Variants in CROCC2 observed in about 807,000 individuals in gnomAD.
CROCC2 encodes the protein ciliary rootlet coiled-coil protein 2.
CROCC2 carries 163 observed loss-of-function variants against 177.6 expected under a neutral mutation model. The observed-to-expected ratio is 0.92, with a 90% CI of 0.81 to 1.05. The LOEUF (loss-of-function observed/expected upper bound fraction) is 1.05, where lower values mean the gene tolerates loss of function less well. CROCC2 is among the 50% of genes least tolerant of loss of function. The probability of loss-of-function intolerance (pLI) is 0.00; values close to 1 mark genes in which losing one functional copy is unlikely to be tolerated. For synonymous variants in CROCC2, 904 were observed against 787.3 expected, an observed-to-expected ratio of 1.15 and a Z score of -2.48; for missense variants, 1,929 against 1,797.8, an observed-to-expected ratio of 1.07 and a Z score of -1.32.
intron 12 of CROCC2, among the ~76,000 whole-genome samples, 165 bp downstream of exon 12, chr2:240,934,640 G>A (rs898345455): frequency 6.6e-6 from 1 of 152,142 alleles, no homozygotes; most frequent in Non-Finnish European, 1.5e-5. Flanking sequence ...CAACCAGTAG[G>A]CACCAGCCTG....
At position 240,917,996 on chromosome 2, in the gene CROCC2, A is replaced by G. The variant is rs2059331325; in HGVS notation, c.79-730A>G. Among the ~76,000 whole-genome samples the G allele has an allele frequency of 6.6e-6, 1 of 152,158 alleles. No homozygotes were observed. Among genetic ancestry groups the G allele is most frequent in the Admixed American group, 6.5e-5 (1 of 15,288 alleles). On this transcript the variant is annotated intron_variant, in intron 1 of 31. Coordinates refer to ENST00000690015, the MANE Select transcript of CROCC2 (RefSeq NM_001351305.2). The surrounding 1 kb of genome is among the most constrained non-coding windows in gnomAD (Gnocchi z 4.9). ...AAAACCAGGCTGGGGTACCCAGGAC[A>G]CCCAGGCACTCCTGGGGCAGAAGGG...
intron 28 of CROCC2, chr2:240,986,174 TCACATGGG>T (rs2059839318): frequency 3.0e-6 from 1 of 335,492 alleles, no homozygotes. Context: ...GGGTGGTGCA[TCACATGGG>T]CACATGGGCA....
chr2:240,992,985 T>C, intron 31 of CROCC2, 81 bp from the exon 32 acceptor site: 1 of 695,820 alleles, frequency 1.4e-6, no homozygotes, highest in Non-Finnish European at 2.7e-6. Flanking sequence ...TCAGCATCGG[T>C]CCCTCCAGCC....
chr2:240,954,110 G>A (rs1010699442), intron 18 of CROCC2, among the ~76,000 whole-genome samples: 11 of 152,160 alleles, frequency 7.2e-5, no homozygotes, highest in Non-Finnish European at 1.3e-4. Context: ...AGGGAGGAAG[G>A]GGAGCACTGA....
intron 28 of CROCC2, chr2:240,985,865 C>T (rs1160597475): frequency 2.3e-6 from 1 of 437,052 alleles, no homozygotes; most frequent in Non-Finnish European, 4.7e-6. Context: ...CACTGCCCCC[C>T]ACAGCAGGGT....
chr2:240,939,130 C>G (rs1363040572), intron 14 of CROCC2, among the ~76,000 whole-genome samples: 1 of 152,106 alleles, frequency 6.6e-6, no homozygotes, highest in Non-Finnish European at 1.5e-5. Context: ...ATGATGTTAT[C>G]TGTAGGCTTT....
intron 20 of CROCC2, among the ~76,000 whole-genome samples, chr2:240,961,790 C>T (rs368618122): frequency 5.8e-5 from 8 of 138,216 alleles, no homozygotes; most frequent in Admixed American, 3.1e-4. Context: ...ATCACACACA[C>T]GCACTCACAC....
chr2:240,933,365 C>T lies in CROCC2; in HGVS notation c.1463+23C>T, dbSNP rs529865327. On this transcript the variant is annotated intron_variant, in intron 10 of 31. Coordinates refer to ENST00000690015, the MANE Select transcript of CROCC2 (RefSeq NM_001351305.2). ...GAGGTAATGGGGTGAAGGGGTTGCA[C>T]GGCCTTGCACAGGGTGTATGGGATC... The T allele has an allele frequency of 1.7e-5, 25 of 1,481,426 alleles. 1 individual carries two copies. In the South Asian group the frequency reaches 1.7e-4, roughly 10 times the overall value. The allele number at this position is 1,481,426 out of a possible 1,614,324, so 91.8% of individuals were successfully genotyped here.
At chr2:240,939,908 C>T (rs1195685530) in intron 14 of CROCC2, among the ~76,000 whole-genome samples, 1 of 152,142 alleles carries the variant, frequency 6.6e-6, no homozygotes, top group Non-Finnish European at 1.5e-5. Context: ...GGAGGACATA[C>T]TCTGTATTAT....
Position 240,922,575 on chromosome 2 carries a change from C to A in CROCC2, c.418C>A (p.Arg140=), listed in dbSNP as rs575765869. The A allele has an allele frequency of 1.4e-6, 1 of 695,408 alleles. No individual in the cohort carries two copies. The highest frequency in any genetic ancestry group is 2.7e-6 in the Non-Finnish European group (1 of 371,912). 43.1% of individuals were successfully genotyped at this position (695,408 alleles called of 1,614,324 possible). A position where few individuals can be genotyped will look rare whatever the true frequency, so the allele number is the denominator to read the frequency against. ...ARLETTEAQL[R]RSELEHSVDL... is the part of the protein sequence containing the mutation. ...GCTGGAGACCACCGAGGCTCAGCTG[C>A]GGAGGTCAGAGCTGGAGCACAGCGT... is the stretch of plus-strand genomic sequence containing the variant. The change falls in exon 4 of 32, where the codon CGG becomes AGG. Residue 140 remains arginine (R), a synonymous_variant. Transcript: ENST00000690015.
intron 1 of CROCC2, among the ~76,000 whole-genome samples, chr2:240,914,360 G>A (rs562371934): frequency 1.3e-5 from 2 of 152,354 alleles, no homozygotes; most frequent in South Asian, 2.1e-4. Context: ...ATGTGAAAAC[G>A]TTTGCAAGTG....
chr2:240,983,507 A>G, intron 28 of CROCC2: 1 of 1,243,288 alleles, frequency 8.0e-7, no homozygotes, highest in Non-Finnish European at 1.0e-6. Context: ...GCAGGAGCAG[A>G]CGGCGGCGCT....
At chr2:240,957,220 A>G (rs2059596751) in intron 19 of CROCC2, 1 of 152,464 alleles carries the variant, frequency 6.6e-6, no homozygotes, top group Non-Finnish European at 1.5e-5. Context: ...AGCTGGGCCC[A>G]CACCTGCCTC....
intron 27 of CROCC2, chr2:240,981,840 G>A (rs2106489945): frequency 6.6e-6 from 1 of 152,096 alleles, no homozygotes. Context: ...AAGGGCTCGG[G>A]GCTCATCAAG....
chr2:240,930,616 G>A (rs1331570199), intron 6 of CROCC2, among the ~76,000 whole-genome samples: 1 of 152,138 alleles, frequency 6.6e-6, no homozygotes, highest in African/African-American at 2.4e-5. Context: ...CCACACTGGA[G>A]GTCAGTCCTG....
chr2:240,946,991 T>C (rs74000177), intron 15 of CROCC2, among the ~76,000 whole-genome samples: 1 of 152,188 alleles, frequency 6.6e-6, no homozygotes, highest in Non-Finnish European at 1.5e-5. Context: ...GAACAGGATG[T>C]GTGTAGGCTG....
In CROCC2 at chr2:240,959,763, G is replaced by A. The variant is rs1050846723; in HGVS notation, c.3087+319G>A. On this transcript the variant is annotated intron_variant, in intron 20 of 31. Coordinates refer to ENST00000690015, the MANE Select transcript of CROCC2 (RefSeq NM_001351305.2). ...ATTTCTAAGCCTCCTGAAGGGGTGAGTTTGACTTCAGGGTGAAAGTGGGCC... is the reference window on the plus strand; with the variant it reads ...ATTTCTAAGCCTCCTGAAGGGGTGAATTTGACTTCAGGGTGAAAGTGGGCC... The A allele has an allele frequency of 1.8e-5, 4 of 221,960 alleles. No homozygotes were observed. The Admixed American group carries it at 2.3e-4, about 13-fold the overall frequency. The allele number at this position is 221,960 out of a possible 1,614,324, so 13.7% of individuals were successfully genotyped here.
Position 240,982,805 on chromosome 2 carries a change from C to A in CROCC2, c.4402-75C>A. On this transcript the variant is annotated intron_variant, in intron 27 of 31. Coordinates refer to ENST00000690015, the MANE Select transcript of CROCC2 (RefSeq NM_001351305.2). This position sits in a 1 kb window ranked among gnomAD's most constrained non-coding sequence, Gnocchi z 4.7. ...CTGCCAGACGGTCTAGGCAGATGCC[C>A]TGAGGCCAGGGTTTCCCTGCAGGGC... 1 of 1,381,918 alleles carries A rather than the reference C, an allele frequency of 7.2e-7. No individual in the cohort carries two copies. Among genetic ancestry groups the A allele is most frequent in the Non-Finnish European group, 9.8e-7 (1 of 1,018,920 alleles). The allele number at this position is 1,381,918 out of a possible 1,614,324, so 85.6% of individuals were successfully genotyped here. A position where few individuals can be genotyped will look rare whatever the true frequency, so the allele number is the denominator to read the frequency against.
At chr2:240,926,795 C>T (rs745985979) in intron 5 of CROCC2, among the ~76,000 whole-genome samples, 2 of 152,266 alleles carry the variant, frequency 1.3e-5, no homozygotes, top group South Asian at 4.1e-4. Flanking sequence ...GTTTACACCC[C>T]GAGAGGGAAT....
Sources: gnomAD v4.1 joint callset for allele counts (sites outside exome capture counted in the v4.1 genomes callset) on GRCh38, gnomAD v4.1.1 for gene constraint, Gnocchi (gnomAD v3.1) non-coding constraint, MANE v1.5 for transcripts, NCBI Gene and HGNC (gene_info 2026-07-23, HGNC 2026-07-21) for gene names.